TMEM14B: variants seen among roughly 807,000 people sequenced by gnomAD.
TMEM14B encodes transmembrane protein 14B.
In TMEM14B, 9 loss-of-function variants were observed where a neutral mutation model predicts 14.8. That is an observed-to-expected ratio of 0.61 (90% CI 0.37 to 1.06). TMEM14B has a LOEUF of 1.06. TMEM14B is among the 50% of genes least tolerant of loss of function. The probability of loss-of-function intolerance (pLI) is 0.01; values close to 1 mark genes in which losing one functional copy is unlikely to be tolerated. For synonymous variants in TMEM14B, 40 were observed against 51.3 expected (o/e 0.78, Z 0.94); for missense variants, 128 against 143.6 (o/e 0.89, Z 0.56).
At chr6:10,755,092 C>CCCTG (rs769613413) in intron 4 of TMEM14B, 50 bp from the exon 5 acceptor site, 19 of 1,594,028 alleles carry the variant, frequency 1.2e-5, no homozygotes, top group Non-Finnish European at 1.6e-5. Context: ...CTTCTGATTC[C>CCCTG]CCTGCGTAGA....
At chr6:10,749,871 T>C in intron 3 of TMEM14B, 173 bp downstream of exon 3, 1 of 757,470 alleles carries the variant, frequency 1.3e-6, no homozygotes, top group Non-Finnish European at 2.3e-6. Flanking sequence ...CTTTTGCTTA[T>C]CTGGTGAAGC....
At chr6:10,749,795 G>A (rs1461975582) in intron 3 of TMEM14B, 97 bp downstream of exon 3, 1 of 1,472,298 alleles carries the variant, frequency 6.8e-7, no homozygotes, top group Non-Finnish European at 9.5e-7. Context: ...GTTTGACTCA[G>A]CTTTGCTGTA....
rs758785148 is a variant in TMEM14B at position 10,755,206 on chromosome 6, G to C, written c.267G>C (p.Met89Ile). 9 of 1,614,060 alleles carry C rather than the reference G, an allele frequency of 5.6e-6. No individual in the cohort carries two copies. The highest frequency in any genetic ancestry group is 1.6e-4 in the Middle Eastern group (1 of 6,082). ...GMRSYYYGKF[M>I]PVGLIAGASL... is the part of the protein sequence containing the mutation. ...GATCCTACTACTATGGAAAATTCAT[G>C]CCTGTAGGTTTAATTGCAGGTGCCA... The change falls in exon 5 of 6, where the codon ATG becomes ATC. Residue 89 changes from methionine (M) to isoleucine (I), a missense_variant. By Grantham distance (10) the Met-to-Ile change is conservative. Transcript: ENST00000379542.
chr6:10,755,395 T>C, intron 5 of TMEM14B, 163 bp downstream of exon 5: 2 of 1,513,178 alleles, frequency 1.3e-6, no homozygotes, highest in Non-Finnish European at 1.8e-6. Context: ...CAATAGTTGA[T>C]TTAATGTCAA....
intron 3 of TMEM14B, chr6:10,750,081 G>C (rs1313320903): frequency 4.3e-6 from 1 of 234,806 alleles, no homozygotes; most frequent in Non-Finnish European, 8.4e-6. Flanking sequence ...AGGCAGGGGT[G>C]TGTCAGTGGC....
In TMEM14B at chr6:10,752,542, C is replaced by T. The variant is rs554386311; in HGVS notation, c.202+1308C>T. On this transcript the variant is annotated intron_variant, in intron 4 of 5. Coordinates refer to ENST00000379542, the MANE Select transcript of TMEM14B (RefSeq NM_030969.5). ...CGCGGTCTTGGCTCACTGCAACCTC[C>T]GCCTCTTGGATTCAAGTGGTTCTCC... Among the ~76,000 whole-genome samples the T allele has an allele frequency of 3.3e-5, 5 of 151,120 alleles. No individual in the cohort carries two copies. In the South Asian group the frequency reaches 8.4e-4, roughly 25 times the overall value.
chr6:10,750,598 T>A (rs1296874734), intron 3 of TMEM14B, among the ~76,000 whole-genome samples: 2 of 152,026 alleles, frequency 1.3e-5, no homozygotes, highest in African/African-American at 4.8e-5. Flanking sequence ...ATCGGACGAA[T>A]TCCTGGGAAC....
At chr6:10,749,878 AAGCTGAGCC>A in intron 3 of TMEM14B, 180 bp downstream of exon 3, 1 of 717,860 alleles carries the variant, frequency 1.4e-6, no homozygotes, top group Non-Finnish European at 2.4e-6. Context: ...TTATCTGGTG[AAGCTGAGCC>A]AGGCCTCTTG....
In TMEM14B at chr6:10,756,775, G is replaced by A. The variant is rs1771820596; in HGVS notation, c.*257G>A. 7.3e-6 allele frequency: 8 copies of A among 1,090,154 alleles called. No individual in the cohort carries two copies. The highest frequency in any genetic ancestry group is 8.9e-6 in the Non-Finnish European group (8 of 897,564). The allele number at this position is 1,090,154 out of a possible 1,614,324, so 67.5% of individuals were successfully genotyped here. ...TTGTATATTGATTTTATCTCTTTCT[G>A]TATCTATAGGTAAATCTCAAGGGTA... On this transcript the variant is annotated 3_prime_UTR_variant, in exon 6 of 6. Coordinates refer to ENST00000379542, the MANE Select transcript of TMEM14B (RefSeq NM_030969.5).
intron 3 of TMEM14B, among the ~76,000 whole-genome samples, chr6:10,750,372 A>G (rs1448111273): frequency 7.6e-6 from 1 of 131,670 alleles, no homozygotes; most frequent in East Asian, 2.3e-4. Flanking sequence ...GACGGCTAAC[A>G]CTCAAAGTTC....
chr6:10,749,039 G>C (rs1771445437), intron 1 of TMEM14B, among the ~76,000 whole-genome samples, 163 bp from the exon 2 acceptor site: 1 of 152,196 alleles, frequency 6.6e-6, no homozygotes, highest in Admixed American at 6.5e-5. Flanking sequence ...GACATCCATT[G>C]AATGCTCACA....
downstream of TMEM14B, among the ~76,000 whole-genome samples, chr6:10,758,612 C>T (rs9461130): frequency 0.12 from 17,538 of 152,030 alleles, 2,847 homozygotes; most frequent in African/African-American, 0.37. Flanking sequence ...TAAACAAAGG[C>T]AGTATAGAAA....
chr6:10,757,097 T>G, downstream of TMEM14B: 6 of 677,848 alleles, frequency 8.9e-6, no homozygotes, highest in Non-Finnish European at 1.1e-5. Flanking sequence ...TTTGAGTAAT[T>G]TAAGGACCAA....
chr6:10,756,477 G>A lies in TMEM14B; in HGVS notation c.304G>A (p.Ala102Thr), dbSNP rs1346518115. ...ACTTGTTTTAAACAGTTTGCTGATG[G>A]CCGCCAAAGTTGGAGTTCGTATGTT... ...GLIAGASLLM[A>T]AKVGVRMLMT... Residue 102 changes from alanine (A) to threonine (T), a missense_variant, in exon 6 of 6, where the codon GCC becomes ACC. Physicochemically the swap from Ala to Thr is moderately conservative, Grantham distance 58. Transcript: ENST00000379542. The A allele has an allele frequency of 6.2e-7, 1 of 1,613,894 alleles. No individual in the cohort carries two copies. Among genetic ancestry groups the A allele is most frequent in the South Asian group, 1.1e-5 (1 of 91,022 alleles).
At chr6:10,748,953 C>A (rs978814273) in intron 1 of TMEM14B, among the ~76,000 whole-genome samples, 1 of 152,186 alleles carries the variant, frequency 6.6e-6, no homozygotes, top group Non-Finnish European at 1.5e-5. Context: ...GTGGATCTTG[C>A]TGAGTTTCCT....
chr6:10,749,513 A>G, intron 2 of TMEM14B, 109 bp from the exon 3 acceptor site: 1 of 1,334,836 alleles, frequency 7.5e-7, no homozygotes, highest in Non-Finnish European at 1.1e-6. Flanking sequence ...CTGTGGGCAC[A>G]TAGGACCTGT....
Position 10,756,535 on chromosome 6 carries a change from G to C in TMEM14B, c.*17G>C. ...TCTGATTAGCAGAAGTCATGTTCCA[G>C]CTTGGACTCATGAAGGATTAAAAAT... On this transcript the variant is annotated 3_prime_UTR_variant, in exon 6 of 6. Coordinates refer to ENST00000379542, the MANE Select transcript of TMEM14B (RefSeq NM_030969.5). The C allele has an allele frequency of 6.2e-7, 1 of 1,611,028 alleles. No individual in the cohort carries two copies. The highest frequency in any genetic ancestry group is 8.5e-7 in the Non-Finnish European group (1 of 1,178,840).
At chr6:10,755,287 AATACTTT>A in intron 5 of TMEM14B, 55 bp downstream of exon 5, 1 of 1,612,374 alleles carries the variant, frequency 6.2e-7, no homozygotes. Context: ...TATTGCCCAG[AATACTTT>A]ATGCATTCAA....
downstream of TMEM14B, chr6:10,757,125 T>A: frequency 2.0e-6 from 1 of 496,116 alleles, no homozygotes; most frequent in African/African-American, 2.1e-5. Flanking sequence ...TATTTGATTG[T>A]ACATTGCATT....
Sources: gnomAD v4.1 joint callset for allele counts (sites outside exome capture counted in the v4.1 genomes callset) on GRCh38, gnomAD v4.1.1 for gene constraint, MANE v1.5 for transcripts, NCBI Gene and HGNC (gene_info 2026-07-23, HGNC 2026-07-21) for gene names.